The following UBE2W variants were observed in gnomAD, a reference collection of about 807,000 sequenced individuals.
UBE2W encodes the protein ubiquitin conjugating enzyme E2 W.
In UBE2W, 18 loss-of-function variants were observed where a neutral mutation model predicts 27.2. The observed-to-expected ratio is 0.66, with a 90% confidence interval of 0.46 to 0.98. The LOEUF (loss-of-function observed/expected upper bound fraction) is 0.98, where lower values mean the gene tolerates loss of function less well. Among genes scored for constraint, UBE2W ranks in the 50% least tolerant of loss-of-function variants. The pLI, the probability that UBE2W is intolerant of heterozygous loss-of-function variation, is 0.00. For synonymous variants in UBE2W, 53 were observed against 57.2 expected (o/e 0.93, Z 0.33); for missense variants, 90 against 180.2 (o/e 0.50, Z 2.87).
At chr8:73,825,281 G>A (rs1258668422) in intron 2 of UBE2W, 32 bp from the exon 3 acceptor site, 2 of 1,472,028 alleles carry the variant, frequency 1.4e-6, no homozygotes, top group Non-Finnish European at 1.8e-6. Flanking sequence ...AAAAACTTAA[G>A]ATAATAGAGA....
intron 4 of UBE2W, among the ~76,000 whole-genome samples, chr8:73,807,665 T>C (rs78582883): frequency 0.053 from 8,058 of 152,290 alleles, 685 homozygotes; most frequent in African/African-American, 0.18. Context: ...TCTATGTTCA[T>C]ATGGAATTGG....
chr8:73,826,905 G>A, intron 2 of UBE2W, among the ~76,000 whole-genome samples: 1 of 152,140 alleles, frequency 6.6e-6, no homozygotes, highest in Non-Finnish European at 1.5e-5. Context: ...CAATGCAAAA[G>A]CTGCATACAA....
At chr8:73,863,839 A>AT (rs200146957) in intron 1 of UBE2W, among the ~76,000 whole-genome samples, 7 of 151,760 alleles carry the variant, frequency 4.6e-5, no homozygotes, top group Admixed American at 1.3e-4. Flanking sequence ...TGGGGATGGT[A>AT]TTTTTTTTAA....
chr8:73,811,311 C>G (rs1281991695), intron 3 of UBE2W, among the ~76,000 whole-genome samples: 1 of 152,150 alleles, frequency 6.6e-6, no homozygotes, highest in African/African-American at 2.4e-5. Flanking sequence ...TATCATGTCT[C>G]AGCAATGTTT....
At chr8:73,872,030 A>G (rs1812027222) in intron 1 of UBE2W, among the ~76,000 whole-genome samples, 1 of 152,136 alleles carries the variant, frequency 6.6e-6, no homozygotes, top group Non-Finnish European at 1.5e-5. Flanking sequence ...AGTAGCTGGG[A>G]CCACAGGAAT....
chr8:73,793,415 A>G lies in UBE2W; in HGVS notation c.*687T>C, dbSNP rs1171258040. On this transcript the variant is annotated 3_prime_UTR_variant, in exon 6 of 6. Coordinates refer to ENST00000602593, the MANE Select transcript of UBE2W (RefSeq NM_018299.6). ...TACAACAAATTAATTTATTTTCACCATAGGGATAACATACTGTACCTCTCT... is the reference window on the plus strand; with the variant it reads ...TACAACAAATTAATTTATTTTCACCGTAGGGATAACATACTGTACCTCTCT... 3.0e-6 allele frequency: 3 copies of G among 985,732 alleles called. No homozygotes were observed. The African/African-American group carries it at 5.2e-5, about 17-fold the overall frequency. 61.1% of individuals were successfully genotyped at this position (985,732 alleles called of 1,614,324 possible).
intron 4 of UBE2W, among the ~76,000 whole-genome samples, chr8:73,808,544 T>C (rs1386847280): frequency 6.6e-6 from 1 of 152,236 alleles, no homozygotes; most frequent in Non-Finnish European, 1.5e-5. Flanking sequence ...AAAACACTTT[T>C]TAAGGTTTCT....
Position 73,786,245 on chromosome 8 carries a change from A to C in UBE2W, c.*7857T>G. 3 of 985,474 alleles carry C rather than the reference A, an allele frequency of 3.0e-6. No homozygotes were observed. Among genetic ancestry groups the C allele is most frequent in the Non-Finnish European group, 3.6e-6 (3 of 829,930 alleles). The allele number at this position is 985,474 out of a possible 1,614,324, so 61.0% of individuals were successfully genotyped here. The stretch of plus-strand genomic sequence containing the variant: ...GAAGAATGATTAATGATTTATTTAA[A>C]AGTAGTTTTCTCAAACTCTCTGGGA... On this transcript the variant is annotated 3_prime_UTR_variant, in exon 6 of 6. Coordinates refer to ENST00000602593, the MANE Select transcript of UBE2W (RefSeq NM_018299.6).
intron 4 of UBE2W, among the ~76,000 whole-genome samples, chr8:73,809,935 T>G (rs1809082305): frequency 6.6e-6 from 1 of 152,036 alleles, no homozygotes; most frequent in Admixed American, 6.6e-5. Flanking sequence ...TCCCCCCACT[T>G]CCATCAGACA....
chr8:73,876,683 T>C (rs1174814016), intron 1 of UBE2W, among the ~76,000 whole-genome samples: 1 of 152,196 alleles, frequency 6.6e-6, no homozygotes, highest in Non-Finnish European at 1.5e-5. Flanking sequence ...TAAGACATCA[T>C]GTAGGCCAGG....
intron 1 of UBE2W, among the ~76,000 whole-genome samples, chr8:73,835,125 A>G (rs1459926944): frequency 2.0e-5 from 3 of 152,166 alleles, no homozygotes; most frequent in East Asian, 1.9e-4. Context: ...ATCAATCTGC[A>G]TAACTACCAA....
At chr8:73,843,076 A>G (rs1466685213) in intron 1 of UBE2W, among the ~76,000 whole-genome samples, 1 of 152,230 alleles carries the variant, frequency 6.6e-6, no homozygotes, top group African/African-American at 2.4e-5. Flanking sequence ...GCCAGTCACA[A>G]AAGACCACAT....
intron 1 of UBE2W, chr8:73,870,202 T>G: frequency 6.6e-7 from 1 of 1,505,408 alleles, no homozygotes; most frequent in Non-Finnish European, 9.0e-7. Context: ...TGGACTTTAA[T>G]AGCTCACAAT....
intron 2 of UBE2W, among the ~76,000 whole-genome samples, chr8:73,827,460 C>T (rs140138402): frequency 0.024 from 3,679 of 152,146 alleles, 154 homozygotes; most frequent in African/African-American, 0.084. Flanking sequence ...GTGATCTGCC[C>T]GCCTCGGCGT....
chr8:73,851,526 C>T (rs766777693), intron 1 of UBE2W, among the ~76,000 whole-genome samples: 10 of 152,054 alleles, frequency 6.6e-5, no homozygotes, highest in Non-Finnish European at 4.4e-5. Context: ...CTCCTTGGGA[C>T]AGTGATTTTT....
At chr8:73,878,231 G>T (rs559188293) in intron 1 of UBE2W, among the ~76,000 whole-genome samples, 4 of 152,240 alleles carry the variant, frequency 2.6e-5, no homozygotes, top group Admixed American at 2.6e-4. Flanking sequence ...AGATACCCAC[G>T]GGCACAGGAT....
chr8:73,878,742 C>T (rs1812352377), intron 1 of UBE2W, 66 bp downstream of exon 1: 3 of 1,425,138 alleles, frequency 2.1e-6, no homozygotes, highest in Non-Finnish European at 2.9e-6. Flanking sequence ...GACGCCACCC[C>T]CGCCCGAACG....
Position 73,830,426 on chromosome 8 carries a change from G to A in UBE2W, c.62C>T (p.Pro21Leu), listed in dbSNP as rs777093668. ...ELLALQNDPPPGMTLNEKSVQ... is the reference protein window; with the variant it reads ...ELLALQNDPPLGMTLNEKSVQ... The stretch of plus-strand genomic sequence containing the variant: ...ACTCTTCTCATTTAAGGTCATTCCA[G>A]GAGGTGGGTCATTTTGCAAAGCCAA... Residue 21 changes from proline (P) to leucine (L), a missense_variant, in exon 2 of 6, where the codon CCT becomes CTT. Pro to Leu is a moderately conservative substitution (Grantham distance 98). Transcript: ENST00000602593. 6.2e-7 allele frequency: 1 copy of A among 1,613,832 alleles called. No individual in the cohort carries two copies. The highest frequency in any genetic ancestry group is 2.2e-5 in the East Asian group (1 of 44,882).
intron 4 of UBE2W, among the ~76,000 whole-genome samples, chr8:73,808,633 T>C (rs1264219358): frequency 6.6e-6 from 1 of 152,254 alleles, no homozygotes; most frequent in Non-Finnish European, 1.5e-5. Context: ...ACTTATCACT[T>C]AGCACAGTAA....
Sources: allele counts gnomAD v4.1 joint callset (sites outside exome capture counted in the v4.1 genomes callset), GRCh38; gene constraint gnomAD v4.1.1; transcripts MANE v1.5; gene names NCBI Gene and HGNC (gene_info 2026-07-23, HGNC 2026-07-21).